MARCHF1: variants seen among roughly 807,000 people sequenced by gnomAD.
MARCHF1 encodes the protein E3 ubiquitin-protein ligase MARCHF1.
MARCHF1 carries 40 observed loss-of-function variants against 54.2 expected under a neutral mutation model. The ratio of observed to expected loss-of-function variants is 0.74; its 90% CI spans 0.57 to 0.96. The LOEUF is 0.96. MARCHF1 is among the 40% of genes least tolerant of loss of function. The pLI, the probability that MARCHF1 is intolerant of heterozygous loss-of-function variation, is 0.00. For synonymous variants in MARCHF1, 236 were observed against 236.3 expected (o/e 1.00, Z 0.01); for missense variants, 586 against 656.5 (o/e 0.89, Z 1.17).
At chr4:164,068,048 A>T (rs1754766710) in intron 2 of MARCHF1, among the ~76,000 whole-genome samples, 1 of 152,254 alleles carries the variant, frequency 6.6e-6, no homozygotes, top group Non-Finnish European at 1.5e-5. Flanking sequence ...CAGAATGGTC[A>T]TTACTAAAAA....
intron 1 of MARCHF1, among the ~76,000 whole-genome samples, chr4:164,135,757 T>C (rs1756387776): frequency 6.6e-6 from 1 of 152,234 alleles, no homozygotes; most frequent in South Asian, 2.1e-4. Context: ...CTGCATTTGA[T>C]ACTGATGGAG....
chr4:163,676,238 T>TC (rs564546567), intron 5 of MARCHF1, among the ~76,000 whole-genome samples: 1,789 of 145,350 alleles, frequency 0.012, 17 homozygotes, highest in Middle Eastern at 0.026. Context: ...GCACCTGTAA[T>TC]CCCAGGTACT....
chr4:164,304,126 G>A (rs776734973), intron 1 of MARCHF1, among the ~76,000 whole-genome samples: 3 of 152,138 alleles, frequency 2.0e-5, no homozygotes, highest in Non-Finnish European at 1.5e-5. Flanking sequence ...ACAGAAGCTT[G>A]CAATTAAGAT....
chr4:164,242,620 T>C (rs1269493818), intron 1 of MARCHF1, among the ~76,000 whole-genome samples: 1 of 152,128 alleles, frequency 6.6e-6, no homozygotes, highest in Non-Finnish European at 1.5e-5. Context: ...GGAACAAAGC[T>C]GGATGGAGAA....
intron 3 of MARCHF1, among the ~76,000 whole-genome samples, chr4:163,862,818 G>A (rs1230305919): frequency 6.6e-6 from 1 of 151,962 alleles, no homozygotes; most frequent in African/African-American, 2.4e-5. Context: ...CAACAAACAT[G>A]CCCTTCAATA....
At chr4:163,591,332 T>C (rs770296260) in intron 7 of MARCHF1, among the ~76,000 whole-genome samples, 4 of 152,060 alleles carry the variant, frequency 2.6e-5, no homozygotes, top group Non-Finnish European at 4.4e-5. Context: ...TCATCTAAAT[T>C]TCAGACTCAC....
chr4:163,913,753 G>A (rs1033856370), intron 3 of MARCHF1, among the ~76,000 whole-genome samples: 4 of 152,094 alleles, frequency 2.6e-5, no homozygotes, highest in Non-Finnish European at 4.4e-5. Context: ...CTGGACACTG[G>A]TACTCCAGTA....
chr4:164,173,696 C>T (rs948268290), intron 1 of MARCHF1, among the ~76,000 whole-genome samples: 1 of 152,118 alleles, frequency 6.6e-6, no homozygotes. Context: ...TTCTCTTGCT[C>T]CCTCTCTTGC....
chr4:164,357,376 CTT>C (rs2110912416), intron 1 of MARCHF1, among the ~76,000 whole-genome samples: 1 of 152,220 alleles, frequency 6.6e-6, no homozygotes, highest in East Asian at 1.9e-4. Flanking sequence ...CATCACATCT[CTT>C]TTTCTGAGTC....
chr4:164,053,322 A>G (rs1327365390), intron 2 of MARCHF1, among the ~76,000 whole-genome samples: 1 of 152,164 alleles, frequency 6.6e-6, no homozygotes, highest in Non-Finnish European at 1.5e-5. Flanking sequence ...TTGACCTGTA[A>G]TGTTGTTTCA....
intron 4 of MARCHF1, among the ~76,000 whole-genome samples, chr4:163,747,332 T>A (rs1404320721): frequency 6.6e-6 from 1 of 152,216 alleles, no homozygotes; most frequent in Non-Finnish European, 1.5e-5. Context: ...CCCGAGGTAC[T>A]GGCAGAAACA....
At chr4:164,304,829 C>A (rs1734656570) in intron 1 of MARCHF1, among the ~76,000 whole-genome samples, 1 of 152,120 alleles carries the variant, frequency 6.6e-6, no homozygotes, top group Non-Finnish European at 1.5e-5. Flanking sequence ...ACTACAGAGT[C>A]CACAGGAGGT....
chr4:164,346,517 T>C (rs1414397075), intron 1 of MARCHF1, among the ~76,000 whole-genome samples: 1 of 151,322 alleles, frequency 6.6e-6, no homozygotes. Context: ...CAGGTCTTCA[T>C]CTTTTGCCTC....
chr4:164,209,109 C>T (rs922478878), intron 1 of MARCHF1, among the ~76,000 whole-genome samples: 1 of 151,632 alleles, frequency 6.6e-6, no homozygotes, highest in African/African-American at 2.4e-5. Flanking sequence ...AAAAGTGAAA[C>T]TGGTTGCAAT....
chr4:163,625,103 G>C (rs1276335736), intron 5 of MARCHF1, among the ~76,000 whole-genome samples: 1 of 152,086 alleles, frequency 6.6e-6, no homozygotes, highest in Non-Finnish European at 1.5e-5. Context: ...GCAAAACCTA[G>C]CTCATTTTAT....
intron 1 of MARCHF1, among the ~76,000 whole-genome samples, chr4:164,302,061 G>A (rs923219577): frequency 6.6e-6 from 1 of 152,008 alleles, no homozygotes; most frequent in African/African-American, 2.4e-5. Flanking sequence ...ACATATGCAG[G>A]AGCACATCCT....
intron 1 of MARCHF1, among the ~76,000 whole-genome samples, chr4:164,187,241 T>G (rs527555646): frequency 7.3e-6 from 1 of 137,002 alleles, no homozygotes; most frequent in East Asian, 2.0e-4. Flanking sequence ...GATTTGCTTA[T>G]GCACCAGGGT....
chr4:164,028,476 A>G (rs1753814782), intron 2 of MARCHF1, among the ~76,000 whole-genome samples: 1 of 152,174 alleles, frequency 6.6e-6, no homozygotes, highest in African/African-American at 2.4e-5. Flanking sequence ...AAGAAACAGA[A>G]AACCAAATAC....
intron 7 of MARCHF1, among the ~76,000 whole-genome samples, chr4:163,587,430 T>C (rs1012042112): frequency 2.6e-5 from 4 of 152,208 alleles, no homozygotes; most frequent in Admixed American, 6.5e-5. Flanking sequence ...TGGAATACTA[T>C]GCAGCCATAA....
Sources: allele counts gnomAD v4.1 joint callset (sites outside exome capture counted in the v4.1 genomes callset), GRCh38; gene constraint gnomAD v4.1.1; transcripts MANE v1.5; gene names NCBI Gene and HGNC (gene_info 2026-07-23, HGNC 2026-07-21).